Variants in ADAM12 observed in about 807,000 individuals in gnomAD.
ADAM12 encodes the protein disintegrin and metalloproteinase domain-containing protein 12.
A neutral mutation model predicts 106.4 loss-of-function variants in ADAM12; 70 were observed. The ratio of observed to expected loss-of-function variants is 0.66; its 90% CI spans 0.54 to 0.80. The LOEUF (loss-of-function observed/expected upper bound fraction) is 0.80. ADAM12 is among the 30% of genes least tolerant of loss of function. The pLI is 0.00. For missense variants in ADAM12, 1,010 were observed against 1,171.9 expected (o/e 0.86, Z 2.02); for synonymous variants, 420 against 433.5 (o/e 0.97, Z 0.39).
At chr10:126,144,371 G>A (rs1472382765) in intron 4 of ADAM12, among the ~76,000 whole-genome samples, 5 of 152,186 alleles carry the variant, frequency 3.3e-5, no homozygotes, top group African/African-American at 9.6e-5. Context: ...GTAAGGCATT[G>A]TTACAAATCT....
In ADAM12 at chr10:126,043,271, C is replaced by T. The variant is rs888855228; in HGVS notation, c.1996-123G>A. ...CACTGACACAGCCAGACTCAGCACA[C>T]GCCATGGTGCGAATAAGCCCAAAGC... is the stretch of plus-strand genomic sequence containing the variant. On this transcript the variant is annotated intron_variant, in intron 17 of 22. Transcript: ENST00000448723. The surrounding 1 kb of genome is among the most constrained non-coding windows in gnomAD (Gnocchi z 4.1). The T allele has an allele frequency of 1.0e-5, 9 of 896,150 alleles. No individual in the cohort carries two copies. Among genetic ancestry groups the T allele is most frequent in the East Asian group, 5.3e-5 (2 of 37,436 alleles). 55.5% of individuals were successfully genotyped at this position (896,150 alleles called of 1,614,324 possible).
chr10:126,121,493 ATATAT>A, intron 5 of ADAM12, among the ~76,000 whole-genome samples: 1 of 84,500 alleles, frequency 1.2e-5, no homozygotes, highest in Non-Finnish European at 2.5e-5. Context: ...ATATGTAACA[ATATAT>A]AATATAATAG....
intron 3 of ADAM12, among the ~76,000 whole-genome samples, chr10:126,240,945 TGAAATAAAATCTA>T (rs1397552697): frequency 6.6e-6 from 1 of 152,226 alleles, no homozygotes; most frequent in Non-Finnish European, 1.5e-5. Flanking sequence ...CCAAACTCCT[TGAAATAAAATCTA>T]GAGTGTCATT....
At chr10:126,080,403 G>C (rs1955188902) in intron 11 of ADAM12, among the ~76,000 whole-genome samples, 1 of 152,160 alleles carries the variant, frequency 6.6e-6, no homozygotes, top group Non-Finnish European at 1.5e-5. Flanking sequence ...TAACTGAAGT[G>C]ACCTATAGCA....
intron 2 of ADAM12, among the ~76,000 whole-genome samples, chr10:126,325,989 C>T (rs893474032): frequency 1.3e-5 from 2 of 152,230 alleles, no homozygotes; most frequent in Non-Finnish European, 2.9e-5. Context: ...TGTCCCTCTA[C>T]TCTTTCCACT....
At chr10:126,250,661 G>A (rs771781299) in intron 3 of ADAM12, among the ~76,000 whole-genome samples, 20 of 152,100 alleles carry the variant, frequency 1.3e-4, no homozygotes, top group Non-Finnish European at 2.2e-4. Flanking sequence ...ATTGTTAACC[G>A]AAATTTTTGT....
chr10:126,114,289 G>C (rs1383915135), intron 6 of ADAM12, among the ~76,000 whole-genome samples: 1 of 152,160 alleles, frequency 6.6e-6, no homozygotes, highest in Non-Finnish European at 1.5e-5. Flanking sequence ...GAAATGTGAA[G>C]TATTGAAATT....
At chr10:126,138,208 A>G (rs1450995208) in intron 4 of ADAM12, among the ~76,000 whole-genome samples, 1 of 152,180 alleles carries the variant, frequency 6.6e-6, no homozygotes, top group Non-Finnish European at 1.5e-5. Flanking sequence ...CTTTGAAGAA[A>G]TGTCTACTCA....
intron 5 of ADAM12, among the ~76,000 whole-genome samples, chr10:126,122,189 T>G (rs1292107866): frequency 6.6e-6 from 1 of 152,196 alleles, no homozygotes; most frequent in Non-Finnish European, 1.5e-5. Context: ...TGTTACTTAG[T>G]CATGAAAATG....
At chr10:126,122,432 A>G (rs1956131666) in intron 5 of ADAM12, among the ~76,000 whole-genome samples, 1 of 152,168 alleles carries the variant, frequency 6.6e-6, no homozygotes, top group Non-Finnish European at 1.5e-5. Context: ...TTTGTTTATT[A>G]AAGTTGATTT....
rs190723629 is a variant in ADAM12, at chr10:126,041,342, G to A, written c.2104+1698C>T. 135 of 985,772 alleles carry A rather than the reference G, an allele frequency of 1.4e-4. No individual in the cohort carries two copies. In the African/African-American group the frequency reaches 2.0e-3, roughly 14 times the overall value. 61.1% of individuals were successfully genotyped at this position (985,772 alleles called of 1,614,324 possible). A position where few individuals can be genotyped will look rare whatever the true frequency, so the allele number is the denominator to read the frequency against. On this transcript the variant is annotated intron_variant, in intron 18 of 22. Transcript: ENST00000448723. ...TATGTATGAACAGGGTGGAGGCAGC[G>A]GTATTTCAAATGCACTCTATTTTAT...
rs947974977 is a variant in ADAM12 at position 126,261,864 on chromosome 10, G to A, written c.260+17051C>T. Among the ~76,000 whole-genome samples, 6 of 150,340 alleles carry A rather than the reference G, an allele frequency of 4.0e-5. No homozygotes were observed. In the East Asian group the frequency reaches 5.9e-4, roughly 15 times the overall value. On this transcript the variant is annotated intron_variant, in intron 3 of 22. Transcript: ENST00000448723. ...GTCACCCAGGCTGGAGTGCAGCGGCGCGATCTCCGCTCACTGCAAGCTCTG... is the reference window on the plus strand; with the variant it reads ...GTCACCCAGGCTGGAGTGCAGCGGCACGATCTCCGCTCACTGCAAGCTCTG...
chr10:126,028,814 A>G (rs1953924463), intron 21 of ADAM12, among the ~76,000 whole-genome samples: 1 of 151,798 alleles, frequency 6.6e-6, no homozygotes, highest in Admixed American at 6.6e-5. Flanking sequence ...TGTCTGCAGC[A>G]AAAGAAACAC....
chr10:126,023,533 G>C (rs1443221667), intron 21 of ADAM12, among the ~76,000 whole-genome samples: 1 of 152,196 alleles, frequency 6.6e-6, no homozygotes, highest in Non-Finnish European at 1.5e-5. Context: ...GAAACCAAAT[G>C]TCCAAGTTTA....
At chr10:126,156,293 C>T (rs1309918433) in intron 3 of ADAM12, among the ~76,000 whole-genome samples, 1 of 152,188 alleles carries the variant, frequency 6.6e-6, no homozygotes, top group East Asian at 1.9e-4. Context: ...AAGGTCGATT[C>T]ATGCTGACTT....
chr10:126,162,027 G>A (rs1158171729), intron 3 of ADAM12, among the ~76,000 whole-genome samples: 2 of 152,170 alleles, frequency 1.3e-5, no homozygotes, highest in Non-Finnish European at 1.5e-5. Context: ...TTTGCCGTTT[G>A]TTGTGGGATG....
In ADAM12 at chr10:126,196,140, GAA is replaced by G. The variant is rs757306960; in HGVS notation, c.261-40837_261-40836del. Among the ~76,000 whole-genome samples, 4 of 152,334 alleles carry G rather than the reference GAA, an allele frequency of 2.6e-5. No homozygotes were observed. The East Asian group carries it at 7.7e-4, about 29-fold the overall frequency. On this transcript the variant is annotated intron_variant, in intron 3 of 22. Coordinates refer to ENST00000448723, the MANE Select transcript of ADAM12 (RefSeq NM_001288973.2). ...GATGTTTAATAACTGGCCCTTCACA[GAA>G]AACGTTTGTAGACCCTCATTCTAGG...
intron 3 of ADAM12, among the ~76,000 whole-genome samples, chr10:126,172,988 T>C (rs903200137): frequency 6.6e-6 from 1 of 152,200 alleles, no homozygotes; most frequent in African/African-American, 2.4e-5. Flanking sequence ...ACCATCATTC[T>C]TAGCAAACTA....
intron 21 of ADAM12, among the ~76,000 whole-genome samples, chr10:126,023,218 T>C (rs1953803479): frequency 6.6e-6 from 1 of 152,188 alleles, no homozygotes; most frequent in Non-Finnish European, 1.5e-5. Flanking sequence ...ATTATGGCTA[T>C]AGATCAGAAT....
Sources: allele counts gnomAD v4.1 joint callset (sites outside exome capture counted in the v4.1 genomes callset), GRCh38; gene constraint gnomAD v4.1.1; non-coding constraint Gnocchi (gnomAD v3.1); transcripts MANE v1.5; gene names NCBI Gene and HGNC (gene_info 2026-07-23, HGNC 2026-07-21).